ROBO2: variants seen among roughly 807,000 people sequenced by gnomAD.
The protein encoded by ROBO2 is roundabout homolog 2.
ROBO2 carries 53 observed loss-of-function variants against 160.8 expected under a neutral mutation model. That is an observed-to-expected ratio of 0.33 (90% CI 0.26 to 0.41). The LOEUF is 0.41. ROBO2 is among the 10% of genes least tolerant of loss of function. ROBO2 has a pLI of 1.00. For missense variants in ROBO2, 1,577 were observed against 1,722.4 expected, an observed-to-expected ratio of 0.92 and a Z score of 1.49; for synonymous variants, 664 against 611.7, an observed-to-expected ratio of 1.09 and a Z score of -1.26.
At position 76,515,976 on chromosome 3, in the gene ROBO2, G is replaced by A. The variant is rs1358030398; in HGVS notation, c.109+578374G>A. 2.0e-5 allele frequency among the ~76,000 whole-genome samples: 3 copies of A among 152,106 alleles called. No individual in the cohort carries two copies. In the East Asian group the frequency reaches 5.8e-4, roughly 29 times the overall value. On this transcript the variant is annotated intron_variant, in intron 2 of 26. Coordinates refer to the ROBO2 transcript ENST00000487694. ...CGAGAGCAGCAAGGCATTAGAGAAA[G>A]TGAAAAGTCAAAAATATAAACCTGC... is the stretch of plus-strand genomic sequence containing the variant.
chr3:76,492,699 C>T (rs1048070605), intron 2 of ROBO2, among the ~76,000 whole-genome samples: 2 of 152,062 alleles, frequency 1.3e-5, no homozygotes, highest in Non-Finnish European at 2.9e-5. Flanking sequence ...CCATTAACGA[C>T]GTACTATATA....
At chr3:76,619,148 G>A (rs939813276) in intron 2 of ROBO2, among the ~76,000 whole-genome samples, 2 of 151,600 alleles carry the variant, frequency 1.3e-5, no homozygotes, top group Non-Finnish European at 2.9e-5. Flanking sequence ...AGACCATCCT[G>A]GCTAACACGG....
intron 2 of ROBO2, among the ~76,000 whole-genome samples, chr3:77,443,971 C>T (rs2080211240): frequency 6.6e-6 from 1 of 152,170 alleles, no homozygotes; most frequent in African/African-American, 2.4e-5. Context: ...GCATCTTAGG[C>T]TTCACACTTT....
At chr3:77,284,998 G>A (rs1227589554) in intron 2 of ROBO2, among the ~76,000 whole-genome samples, 1 of 152,096 alleles carries the variant, frequency 6.6e-6, no homozygotes, top group African/African-American at 2.4e-5. Flanking sequence ...ACATCAACAT[G>A]GATGATCTTA....
At chr3:77,366,340 A>G (rs1331716740) in intron 2 of ROBO2, among the ~76,000 whole-genome samples, 1 of 152,074 alleles carries the variant, frequency 6.6e-6, no homozygotes, top group Non-Finnish European at 1.5e-5. Context: ...CTTTCGGGAA[A>G]TGATTATAAG....
intron 2 of ROBO2, among the ~76,000 whole-genome samples, chr3:76,647,393 A>C (rs1215563428): frequency 6.6e-6 from 1 of 152,188 alleles, no homozygotes; most frequent in Non-Finnish European, 1.5e-5. Flanking sequence ...AAGAGATAGG[A>C]GAGGACAAAG....
At chr3:77,485,949 C>G (rs1030837782) in intron 4 of ROBO2, among the ~76,000 whole-genome samples, 1 of 152,044 alleles carries the variant, frequency 6.6e-6, no homozygotes, top group African/African-American at 2.4e-5. Flanking sequence ...GCCCTTTTGA[C>G]AGGCTCCAGT....
Position 76,384,709 on chromosome 3 carries a change from G to C in ROBO2, c.109+447107G>C, listed in dbSNP as rs146271609. Among the ~76,000 whole-genome samples the C allele has an allele frequency of 1.2e-3, 183 of 152,284 alleles. 1 individual carries two copies. Among genetic ancestry groups the C allele is most frequent in the African/African-American group, 4.2e-3 (175 of 41,566 alleles). On this transcript the variant is annotated intron_variant, in intron 2 of 26. Coordinates refer to the ROBO2 transcript ENST00000487694. The stretch of plus-strand genomic sequence containing the variant: ...CCTCACATGGTGGCAGGAAGGGTAA[G>C]TACTGAGGAGAGGGGAAAAGCCCCT...
At chr3:76,236,666 G>A (rs1344702503) in intron 2 of ROBO2, among the ~76,000 whole-genome samples, 4 of 152,120 alleles carry the variant, frequency 2.6e-5, no homozygotes, top group Non-Finnish European at 5.9e-5. Flanking sequence ...GAATATTGGA[G>A]TGGGACATTG....
chr3:77,280,718 G>A (rs2060188705), intron 2 of ROBO2, among the ~76,000 whole-genome samples: 1 of 152,092 alleles, frequency 6.6e-6, no homozygotes, highest in South Asian at 2.1e-4. Flanking sequence ...TTATGTATTT[G>A]TTGTGACTCT....
At chr3:76,093,152 T>C (rs1288228738) in intron 2 of ROBO2, among the ~76,000 whole-genome samples, 1 of 152,148 alleles carries the variant, frequency 6.6e-6, no homozygotes, top group Non-Finnish European at 1.5e-5. Context: ...ATCATTGTGT[T>C]TCTGTTGTCT....
chr3:77,629,005 T>C (rs1024682174), intron 23 of ROBO2: 6 of 152,198 alleles, frequency 3.9e-5, no homozygotes, highest in Non-Finnish European at 7.3e-5. Context: ...TCCATGTGAC[T>C]CTCTCTTCCC....
At chr3:76,895,859 G>A (rs762780709) in intron 2 of ROBO2, among the ~76,000 whole-genome samples, 1 of 152,124 alleles carries the variant, frequency 6.6e-6, no homozygotes, top group Admixed American at 6.6e-5. Context: ...TCCCAAGAAT[G>A]TCCTTTGTAT....
chr3:76,427,712 A>G (rs1221229077), intron 2 of ROBO2, among the ~76,000 whole-genome samples: 5 of 152,178 alleles, frequency 3.3e-5, no homozygotes, highest in Non-Finnish European at 5.9e-5. Flanking sequence ...ATAAATGCTT[A>G]TTGTAATTGT....
At chr3:76,342,657 A>G (rs2074298668) in intron 2 of ROBO2, among the ~76,000 whole-genome samples, 1 of 152,146 alleles carries the variant, frequency 6.6e-6, no homozygotes, top group African/African-American at 2.4e-5. Context: ...AAGGGCAATT[A>G]TATGCTAGCC....
At chr3:77,096,197 G>A (rs965490507) in intron 1 of ROBO2, among the ~76,000 whole-genome samples, 1 of 151,966 alleles carries the variant, frequency 6.6e-6, no homozygotes, top group African/African-American at 2.4e-5. Flanking sequence ...CTCATATTAG[G>A]TGATTGGTTG....
intron 2 of ROBO2, among the ~76,000 whole-genome samples, chr3:76,060,303 G>A (rs996058206): frequency 4.0e-5 from 6 of 151,870 alleles, no homozygotes; most frequent in Non-Finnish European, 7.4e-5. Context: ...GTGTACATCA[G>A]AATAGAAAAA....
At chr3:76,097,463 G>A (rs1296542309) in intron 2 of ROBO2, among the ~76,000 whole-genome samples, 1 of 152,166 alleles carries the variant, frequency 6.6e-6, no homozygotes, top group African/African-American at 2.4e-5. Flanking sequence ...GGTGTGTCAT[G>A]TGATAGTCTT....
At chr3:76,806,210 TGTGC>T (rs1021812500) in intron 2 of ROBO2, among the ~76,000 whole-genome samples, 2 of 99,818 alleles carry the variant, frequency 2.0e-5, no homozygotes, top group African/African-American at 8.8e-5. Context: ...TTATTTTCTG[TGTGC>T]GTGTGTGTGT....
Sources: allele counts gnomAD v4.1 joint callset (sites outside exome capture counted in the v4.1 genomes callset), GRCh38; gene constraint gnomAD v4.1.1; transcripts MANE v1.5; gene names NCBI Gene and HGNC (gene_info 2026-07-23, HGNC 2026-07-21).